CACNA2D2: variants seen among roughly 807,000 people sequenced by gnomAD.
The protein encoded by CACNA2D2 is voltage-dependent calcium channel subunit alpha-2/delta-2.
CACNA2D2 carries 48 observed loss-of-function variants against 166.4 expected under a neutral mutation model. That is an observed-to-expected ratio of 0.29 (90% CI 0.23 to 0.37). The LOEUF (loss-of-function observed/expected upper bound fraction) is 0.37, where lower values mean the gene tolerates loss of function less well. Ranked by LOEUF, CACNA2D2 falls within the 10% of genes least tolerant of loss-of-function variation. CACNA2D2 has a pLI of 1.00. For synonymous variants in CACNA2D2, 561 were observed against 573.7 expected, an observed-to-expected ratio of 0.98 and a Z score of 0.32; for missense variants, 1,122 against 1,433.0, an observed-to-expected ratio of 0.78 and a Z score of 3.50.
chr3:50,379,155 G>C lies in CACNA2D2; in HGVS notation c.1197C>G (p.Phe399Leu). 6.2e-7 allele frequency: 1 copy of C among 1,613,996 alleles called. No homozygotes were observed. The highest frequency in any genetic ancestry group is 1.1e-5 in the South Asian group (1 of 91,072). The change falls in exon 12 of 38, where the codon TTC (phenylalanine) becomes TTG (leucine). Residue 399 changes from phenylalanine to leucine, a missense_variant. Coordinates refer to ENST00000424201, the MANE Select transcript of CACNA2D2 (RefSeq NM_006030.4). The surrounding 1 kb of genome is among the most constrained non-coding windows in gnomAD (Gnocchi z 6.5). ...GCACGCGGTCCTCACCACCATCCGT[G>C]AACATCATGATCATCTTGTTGCAGT... ...RANCNKMIMM[F>L]TDGGEDRVQD...
At chr3:50,454,549 C>T (rs1279998090) in intron 2 of CACNA2D2, among the ~76,000 whole-genome samples, 1 of 152,258 alleles carries the variant, frequency 6.6e-6, no homozygotes, top group Non-Finnish European at 1.5e-5. Context: ...AACACTAATA[C>T]CGCTGAAGCT....
intron 2 of CACNA2D2, among the ~76,000 whole-genome samples, chr3:50,448,411 G>C (rs1166910519): frequency 1.3e-5 from 2 of 152,304 alleles, no homozygotes; most frequent in South Asian, 4.1e-4. Context: ...GTGCCTGAGT[G>C]TATCTGTACA....
At chr3:50,456,116 CT>C (rs1709347414) in intron 2 of CACNA2D2, among the ~76,000 whole-genome samples, 1 of 152,232 alleles carries the variant, frequency 6.6e-6, no homozygotes, top group African/African-American at 2.4e-5. Flanking sequence ...AATGTTAGCC[CT>C]GTTTTACAGA....
intron 1 of CACNA2D2, among the ~76,000 whole-genome samples, chr3:50,489,490 C>T (rs1342145870): frequency 6.6e-6 from 1 of 152,210 alleles, no homozygotes; most frequent in Admixed American, 6.5e-5. Flanking sequence ...GCCAGACAGG[C>T]AGGGCCATAG....
chr3:50,493,531 G>A (rs1309999112), intron 1 of CACNA2D2, among the ~76,000 whole-genome samples: 9 of 152,208 alleles, frequency 5.9e-5, no homozygotes, highest in Admixed American at 5.2e-4. Context: ...CAAAAGCGAG[G>A]CCACCAGGCT....
At chr3:50,385,419 G>A (rs776300175) in intron 5 of CACNA2D2, among the ~76,000 whole-genome samples, 11 of 152,058 alleles carry the variant, frequency 7.2e-5, no homozygotes, top group South Asian at 2.1e-4. Flanking sequence ...ATGGGTCCAC[G>A]TGGGCTGACC....
intron 3 of CACNA2D2, among the ~76,000 whole-genome samples, chr3:50,417,319 C>G (rs1232605238): frequency 6.6e-6 from 1 of 152,240 alleles, no homozygotes; most frequent in African/African-American, 2.4e-5. Context: ...CCACACAGGG[C>G]ACATCCCAAC....
At chr3:50,401,761 T>G (rs1038951604) in intron 3 of CACNA2D2, among the ~76,000 whole-genome samples, 1 of 152,142 alleles carries the variant, frequency 6.6e-6, no homozygotes, top group African/African-American at 2.4e-5. Context: ...CAGGCTGGAG[T>G]GCAGTGGTGC....
chr3:50,427,244 C>A lies in CACNA2D2; in HGVS notation c.405+7069G>T, dbSNP rs1026182628. ...ACCAAGTCCCTTCCTTATCTCCTTG[C>A]CAGCCAGCTCTTTGGCTGCCTCCCT... On this transcript the variant is annotated intron_variant, in intron 3 of 37. Coordinates refer to ENST00000424201, the MANE Select transcript of CACNA2D2 (RefSeq NM_006030.4). The surrounding 1 kb of genome is among the most constrained non-coding windows in gnomAD (Gnocchi z 4.7). 1.3e-5 allele frequency among the ~76,000 whole-genome samples: 2 copies of A among 152,228 alleles called. No homozygotes were observed. Among genetic ancestry groups the A allele is most frequent in the Non-Finnish European group, 2.9e-5 (2 of 68,032 alleles).
chr3:50,426,387 G>A (rs1039569473), intron 3 of CACNA2D2, among the ~76,000 whole-genome samples: 2 of 152,192 alleles, frequency 1.3e-5, no homozygotes, highest in Admixed American at 6.5e-5. Context: ...AAGCAAGGCC[G>A]TAGGGTGGGA....
rs142162707 is a variant in CACNA2D2, at chr3:50,421,231, A to T, written c.405+13082T>A. Among the ~76,000 whole-genome samples, 720 of 152,356 alleles carry T rather than the reference A, an allele frequency of 4.7e-3. 9 individuals carry two copies. Among genetic ancestry groups the T allele is most frequent in the African/African-American group, 0.016 (662 of 41,586 alleles). On this transcript the variant is annotated intron_variant, in intron 3 of 37. Coordinates refer to ENST00000424201, the MANE Select transcript of CACNA2D2 (RefSeq NM_006030.4). ...AAAAACGTGGAGGGGGAACTATGAC[A>T]GACATCATATTTTGCAAAGTGAGCT...
intron 3 of CACNA2D2, among the ~76,000 whole-genome samples, chr3:50,403,968 G>A (rs1158274986): frequency 6.6e-6 from 1 of 152,236 alleles, no homozygotes. Flanking sequence ...TCCCTTGAAG[G>A]CAGGGACTTG....
chr3:50,389,999 G>A (rs1389374557), intron 4 of CACNA2D2, among the ~76,000 whole-genome samples: 1 of 151,084 alleles, frequency 6.6e-6, no homozygotes, highest in Non-Finnish European at 1.5e-5. Flanking sequence ...TGTGGCGGGA[G>A]GGGGCTGTCA....
At chr3:50,503,898 T>C (rs1389572283), upstream of CACNA2D2, among the ~76,000 whole-genome samples, 1 of 149,894 alleles carries the variant, frequency 6.7e-6, no homozygotes, top group Admixed American at 6.6e-5. Context: ...ACCCTGCCGC[T>C]CCTCCCCACC....
chr3:50,363,292 T>A lies in CACNA2D2; in HGVS notation c.*1374A>T, dbSNP rs895277574. 2.5e-6 allele frequency: 1 copy of A among 398,618 alleles called. No individual in the cohort carries two copies. Among genetic ancestry groups the A allele is most frequent in the African/African-American group, 2.1e-5 (1 of 48,562 alleles). 24.7% of individuals were successfully genotyped at this position (398,618 alleles called of 1,614,324 possible). A position where few individuals can be genotyped will look rare whatever the true frequency, so the allele number is the denominator to read the frequency against. ...CACACTGAGAAAGCGACAAGCAACATGACATTAATTAACGAAGCCATTAAT... is the reference window on the plus strand; with the variant it reads ...CACACTGAGAAAGCGACAAGCAACAAGACATTAATTAACGAAGCCATTAAT... On this transcript the variant is annotated 3_prime_UTR_variant, in exon 38 of 38. Coordinates refer to ENST00000424201, the MANE Select transcript of CACNA2D2 (RefSeq NM_006030.4).
intron 3 of CACNA2D2, among the ~76,000 whole-genome samples, chr3:50,425,432 T>C (rs1209022338): frequency 1.3e-5 from 2 of 152,176 alleles, no homozygotes; most frequent in African/African-American, 2.4e-5. Flanking sequence ...GCCTGTCCCA[T>C]GTTAGCTGCT....
chr3:50,405,675 G>T (rs1041239902), intron 3 of CACNA2D2, among the ~76,000 whole-genome samples: 2 of 151,940 alleles, frequency 1.3e-5, no homozygotes, highest in African/African-American at 2.4e-5. Flanking sequence ...CACAGGCAGG[G>T]CCTGCCTTGA....
intron 15 of CACNA2D2, 55 bp downstream of exon 15, chr3:50,377,953 C>T: frequency 6.4e-7 from 1 of 1,572,214 alleles, no homozygotes; most frequent in Non-Finnish European, 8.7e-7. Context: ...ACCCTGTGGG[C>T]ACATCTCCGG....
chr3:50,461,756 AAAAAAAAG>A lies in CACNA2D2; in HGVS notation c.288+14354_288+14361del, dbSNP rs1019075033. On this transcript the variant is annotated intron_variant, in intron 2 of 37. Transcript: ENST00000424201. ...AGCCTGGGGAGTCTCAAAAAAAAAA[AAAAAAAAG>A]AAAAAAAGAAAGAAAGGAAGGAAGG... is the stretch of plus-strand genomic sequence containing the variant. Among the ~76,000 whole-genome samples, 72 of 149,320 alleles carry A rather than the reference AAAAAAAAG, an allele frequency of 4.8e-4. 3 individuals are homozygous for A. In the South Asian group the frequency reaches 5.9e-3, roughly 12 times the overall value.
Sources: gnomAD v4.1 joint callset for allele counts (sites outside exome capture counted in the v4.1 genomes callset) on GRCh38, gnomAD v4.1.1 for gene constraint, Gnocchi (gnomAD v3.1) non-coding constraint, MANE v1.5 for transcripts, NCBI Gene and HGNC (gene_info 2026-07-23, HGNC 2026-07-21) for gene names.